P4HA2: variants seen among roughly 807,000 people sequenced by gnomAD.
P4HA2 encodes the protein prolyl 4-hydroxylase subunit alpha-2.
P4HA2 carries 46 observed loss-of-function variants against 76.9 expected under a neutral mutation model. That is an observed-to-expected ratio of 0.60 (90% CI 0.47 to 0.76). The LOEUF (loss-of-function observed/expected upper bound fraction) is 0.76. Ranked by LOEUF, P4HA2 falls within the 30% of genes least tolerant of loss-of-function variation. The probability of loss-of-function intolerance (pLI) is 0.00; values close to 1 mark genes in which losing one functional copy is unlikely to be tolerated. For missense variants in P4HA2, 583 were observed against 669.4 expected (o/e 0.87, Z 1.42); for synonymous variants, 243 against 254.0 (o/e 0.96, Z 0.41).
Position 132,198,343 on chromosome 5 carries a change from C to T in P4HA2, c.1343G>A (p.Arg448Lys). ...TACGTAGTTAAGAAACGTCGCTAAC[C>T]TATTCCCCTCTGTTTTGAGGCCGCT... ...FDSGLKTEGN[R>K]LATFLNYMSD... is the part of the protein sequence containing the mutation. The change falls in exon 12 of 15, where the codon AGG (arginine) becomes AAG (lysine). Residue 448 changes from arginine to lysine, a missense_variant. Coordinates refer to ENST00000360568, the MANE Select transcript of P4HA2 (RefSeq NM_001017974.2). The T allele has an allele frequency of 6.2e-7, 1 of 1,614,004 alleles. No homozygotes were observed. Among genetic ancestry groups the T allele is most frequent in the Non-Finnish European group, 8.5e-7 (1 of 1,180,048 alleles).
intron 8 of P4HA2, among the ~76,000 whole-genome samples, chr5:132,206,279 C>T (rs185681599): frequency 3.9e-5 from 6 of 152,154 alleles, no homozygotes; most frequent in African/African-American, 7.2e-5. Flanking sequence ...TCCTGGAGGA[C>T]TCTGGAGCTG....
intron 10 of P4HA2, chr5:132,203,297 C>T (rs1751764814): frequency 5.9e-6 from 1 of 168,166 alleles, no homozygotes; most frequent in African/African-American, 2.4e-5. Context: ...TGGGAAGTCC[C>T]CTGCTGCTGC....
At chr5:132,198,087 C>G (rs1750934171) in intron 12 of P4HA2, 1 of 1,489,036 alleles carries the variant, frequency 6.7e-7, no homozygotes, top group African/African-American at 1.4e-5. Context: ...GTGCTGAGAG[C>G]CAGAAGGACC....
chr5:132,225,665 A>G (rs905437554), intron 1 of P4HA2, among the ~76,000 whole-genome samples: 2 of 152,208 alleles, frequency 1.3e-5, no homozygotes, highest in African/African-American at 4.8e-5. Flanking sequence ...TTCTAGCCCC[A>G]GGCACGCTCC....
Position 132,218,472 on chromosome 5 carries a change from C to A in P4HA2, c.82+73G>T. ...AAGGCTATCCCACTCTAAATGAGAACAGGCTGCAGCCAGAGACATCCGTGG... is the reference window on the plus strand; with the variant it reads ...AAGGCTATCCCACTCTAAATGAGAAAAGGCTGCAGCCAGAGACATCCGTGG... On this transcript the variant is annotated intron_variant, in intron 2 of 14. Transcript: ENST00000360568. 4.8e-6 allele frequency: 5 copies of A among 1,047,666 alleles called. No individual in the cohort carries two copies. The South Asian group carries it at 6.7e-5, about 14-fold the overall frequency. 64.9% of individuals were successfully genotyped at this position (1,047,666 alleles called of 1,614,324 possible). A position where few individuals can be genotyped will look rare whatever the true frequency, so the allele number is the denominator to read the frequency against.
At chr5:132,223,449 G>C (rs1754907718) in intron 1 of P4HA2, among the ~76,000 whole-genome samples, 1 of 152,140 alleles carries the variant, frequency 6.6e-6, no homozygotes, top group Non-Finnish European at 1.5e-5. Flanking sequence ...TTTTAGTAGA[G>C]ATGGGGTTTC....
intron 8 of P4HA2, among the ~76,000 whole-genome samples, chr5:132,204,909 C>T (rs1484487705): frequency 1.3e-5 from 2 of 152,238 alleles, no homozygotes; most frequent in African/African-American, 4.8e-5. Context: ...AAGGGGGACT[C>T]GCCGCCCAGA....
At chr5:132,214,146 G>T in intron 4 of P4HA2, 93 bp from the exon 5 acceptor site, 1 of 1,332,234 alleles carries the variant, frequency 7.5e-7, no homozygotes, top group Non-Finnish European at 1.0e-6. Context: ...AGGGTCTCTG[G>T]CTAGTGAAAT....
Position 132,207,764 on chromosome 5 carries a change from A to G in P4HA2, c.1024T>C (p.Tyr342His), listed in dbSNP as rs752580251. The G allele has an allele frequency of 6.2e-6, 10 of 1,613,774 alleles. No individual in the cohort carries two copies. The highest frequency in any genetic ancestry group is 2.7e-5 in the African/African-American group (2 of 74,900). ...EWDSPHIVRY[Y>H]DVMSDEEIER... ...ATTTCCTCATCAGACATGACATCGTAGTACCTGACGATGTGCGGGCTGTCC... is the reference window on the plus strand; with the variant it reads ...ATTTCCTCATCAGACATGACATCGTGGTACCTGACGATGTGCGGGCTGTCC... Residue 342 changes from tyrosine (Y) to histidine (H), a missense_variant, in exon 8 of 15, where the codon TAC becomes CAC. Tyr to His is a moderately conservative substitution (Grantham distance 83). Coordinates refer to ENST00000360568, the MANE Select transcript of P4HA2 (RefSeq NM_001017974.2).
Position 132,195,142 on chromosome 5 carries a change from G to T in P4HA2, c.1435-120C>A, listed in dbSNP as rs1191280422. On this transcript the variant is annotated intron_variant, in intron 13 of 14. Coordinates refer to ENST00000360568, the MANE Select transcript of P4HA2 (RefSeq NM_001017974.2). ...CACCCTCATTTTCCCATGGACAGGG[G>T]ATAGGGCTCTGGGACTCCAGCAACA... 4.0e-5 allele frequency: 29 copies of T among 721,548 alleles called. 1 individual carries two copies. The East Asian group carries it at 5.5e-4, about 14-fold the overall frequency. 44.7% of individuals were successfully genotyped at this position (721,548 alleles called of 1,614,324 possible). A position where few individuals can be genotyped will look rare whatever the true frequency, so the allele number is the denominator to read the frequency against.
rs934598073 is a variant in P4HA2 at position 132,190,429 on chromosome 5, T to C, written c.*2581A>G. On this transcript the variant is annotated 3_prime_UTR_variant, in exon 15 of 15. Transcript: ENST00000360568. ...TAGAGGGAGATTAGACGGCAGTAGATAGCAATTGCCCTAGACCCAGTGGTT... is the reference window on the plus strand; with the variant it reads ...TAGAGGGAGATTAGACGGCAGTAGACAGCAATTGCCCTAGACCCAGTGGTT... Among the ~76,000 whole-genome samples the C allele has an allele frequency of 7.9e-5, 12 of 152,216 alleles. No individual in the cohort carries two copies. Among genetic ancestry groups the C allele is most frequent in the Admixed American group, 4.6e-4 (7 of 15,278 alleles).
At chr5:132,226,006 G>T (rs188137837) in intron 1 of P4HA2, among the ~76,000 whole-genome samples, 1 of 152,276 alleles carries the variant, frequency 6.6e-6, no homozygotes, top group Non-Finnish European at 1.5e-5. Context: ...GGCCCTAAAA[G>T]AAAAGAATTC....
At chr5:132,193,337 A>C in intron 14 of P4HA2, 1 of 302,288 alleles carries the variant, frequency 3.3e-6, no homozygotes, top group Non-Finnish European at 6.1e-6. Context: ...GCATCTAATC[A>C]TGCCCTTTCA....
intron 1 of P4HA2, among the ~76,000 whole-genome samples, chr5:132,226,499 T>C (rs1393114635): frequency 1.3e-5 from 2 of 152,056 alleles, no homozygotes; most frequent in Non-Finnish European, 2.9e-5. Flanking sequence ...AGATGGAGTC[T>C]CGCTCTGTCT....
At chr5:132,203,204 A>C (rs1414220609) in intron 10 of P4HA2, 1 of 154,368 alleles carries the variant, frequency 6.5e-6, no homozygotes, top group African/African-American at 2.4e-5. Flanking sequence ...CAAGTTCCCT[A>C]ATAAATGCTG....
chr5:132,209,375 T>G (rs985140243), intron 6 of P4HA2, 44 bp from the exon 7 acceptor site: 4 of 1,458,742 alleles, frequency 2.7e-6, no homozygotes, highest in Admixed American at 1.8e-5. Context: ...ACCACAAACA[T>G]CTGTTAGGTC....
chr5:132,217,702 G>T, intron 3 of P4HA2, 50 bp downstream of exon 3: 1 of 1,119,850 alleles, frequency 8.9e-7, no homozygotes, highest in Non-Finnish European at 1.4e-6. Context: ...GTTCCTTGAG[G>T]GGCAGAAGGG....
intron 4 of P4HA2, among the ~76,000 whole-genome samples, chr5:132,216,560 G>C (rs962418389): frequency 5.3e-5 from 8 of 152,172 alleles, no homozygotes; most frequent in Non-Finnish European, 1.0e-4. Context: ...GAAGAACATT[G>C]AATGGCATAT....
intron 10 of P4HA2, chr5:132,201,154 G>C (rs773297361): frequency 6.6e-6 from 1 of 152,232 alleles, no homozygotes; most frequent in African/African-American, 2.4e-5. Flanking sequence ...ACAATGCTAA[G>C]GACAGAGTAA....
Sources: allele counts gnomAD v4.1 joint callset (sites outside exome capture counted in the v4.1 genomes callset), GRCh38; gene constraint gnomAD v4.1.1; transcripts MANE v1.5; gene names NCBI Gene and HGNC (gene_info 2026-07-23, HGNC 2026-07-21).